ZNF735: variants seen among roughly 807,000 people sequenced by gnomAD.
The protein encoded by ZNF735 is putative zinc finger protein 735.
A neutral mutation model predicts 13.4 loss-of-function variants in ZNF735; 11 were observed. That is an observed-to-expected ratio of 0.82 (90% CI 0.52 to 1.36). The LOEUF is 1.36. Among genes scored for constraint, ZNF735 ranks in the 40% most tolerant of loss-of-function variants. ZNF735 has a pLI of 0.00. For missense variants in ZNF735, 500 were observed against 484.6 expected (o/e 1.03, Z -0.30); for synonymous variants, 171 against 162.6 (o/e 1.05, Z -0.39).
chr7:64,220,200 T>C (rs1787476191), exon 4 of ZNF735: 1 of 1,613,000 alleles, frequency 6.2e-7, no homozygotes, highest in East Asian at 2.2e-5. Flanking sequence ...CATACAAATG[T>C]GAAGAATGTG....
intron 3 of ZNF735, among the ~76,000 whole-genome samples, chr7:64,216,760 C>T (rs1241898562): frequency 6.6e-6 from 1 of 152,080 alleles, no homozygotes; most frequent in African/African-American, 2.4e-5. Context: ...CCTACCCCGA[C>T]CATACCCAGC....
intron 3 of ZNF735, among the ~76,000 whole-genome samples, chr7:64,215,118 A>G (rs1284967800): frequency 6.6e-6 from 1 of 150,802 alleles, no homozygotes; most frequent in African/African-American, 2.4e-5. Context: ...CTGGAGTGCA[A>G]TGGGGCAATT....
chr7:64,213,022 C>A, intron 1 of ZNF735, 70 bp from the exon 2 acceptor site: 2 of 1,480,236 alleles, frequency 1.4e-6, no homozygotes, highest in South Asian at 1.3e-5. Flanking sequence ...TAACTTGAGT[C>A]AAATAAAAAT....
At chr7:64,218,538 C>A (rs895706275) in intron 3 of ZNF735, among the ~76,000 whole-genome samples, 1 of 151,958 alleles carries the variant, frequency 6.6e-6, no homozygotes, top group Non-Finnish European at 1.5e-5. Flanking sequence ...TTGACATTCT[C>A]ATTTATCTGA....
At chr7:64,219,327 T>A in exon 4 of ZNF735, 2 of 1,612,562 alleles carry the variant, frequency 1.2e-6, no homozygotes, top group Non-Finnish European at 1.7e-6. Context: ...CATGTTCTCA[T>A]TTCAACCAAG....
intron 2 of ZNF735, among the ~76,000 whole-genome samples, chr7:64,213,794 A>G (rs1171828189): frequency 1.3e-5 from 2 of 151,958 alleles, no homozygotes; most frequent in Non-Finnish European, 2.9e-5. Context: ...CTCCGTCTCT[A>G]CTAAAAATAC....
intron 1 of ZNF735, among the ~76,000 whole-genome samples, chr7:64,211,227 T>C (rs1388248057): frequency 9.9e-5 from 15 of 152,216 alleles, no homozygotes; most frequent in Admixed American, 9.8e-4. Flanking sequence ...ATTTATAACC[T>C]GCAATATTTA....
chr7:64,220,248 T>A, exon 4 of ZNF735: 1 of 1,612,344 alleles, frequency 6.2e-7, no homozygotes. Flanking sequence ...TTGCTAAACA[T>A]AAGATAATTC....
chr7:64,219,372 C>A (rs774566660), exon 4 of ZNF735: 6 of 1,613,658 alleles, frequency 3.7e-6, no homozygotes, highest in Non-Finnish European at 5.1e-6. Flanking sequence ...AAGATTCACT[C>A]CAAAAAGTAA....
intron 1 of ZNF735, among the ~76,000 whole-genome samples, chr7:64,208,857 A>G (rs1283538841): frequency 6.6e-6 from 1 of 152,198 alleles, no homozygotes; most frequent in Non-Finnish European, 1.5e-5. Context: ...TTCTAAAAAT[A>G]AATCTCCAGC....
intron 1 of ZNF735, among the ~76,000 whole-genome samples, chr7:64,208,118 G>C (rs1787311189): frequency 6.6e-6 from 1 of 152,036 alleles, no homozygotes; most frequent in Non-Finnish European, 1.5e-5. Context: ...GTTTGGTACA[G>C]TTATTTAGTG....
chr7:64,207,271 G>A lies in ZNF735; in HGVS notation c.39+30G>A, dbSNP rs1239160178. 3.1e-6 allele frequency: 5 copies of A among 1,614,082 alleles called. No individual in the cohort carries two copies. In the African/African-American group the frequency reaches 4.0e-5, roughly 13 times the overall value. ...GTGCTGGGTCTGTCATCGTGAGAGA[G>A]GGGTGGGAGGTGGTTGGAACCGGCT... On this transcript the variant is annotated intron_variant, in intron 1 of 3. Transcript: ENST00000429565.
At chr7:64,208,346 C>T (rs1787317491) in intron 1 of ZNF735, among the ~76,000 whole-genome samples, 1 of 144,350 alleles carries the variant, frequency 6.9e-6, no homozygotes, top group Non-Finnish European at 1.5e-5. Context: ...CAACCTCTGC[C>T]TCCTGGTTCA....
intron 3 of ZNF735, among the ~76,000 whole-genome samples, chr7:64,217,484 T>C (rs887143945): frequency 1.3e-5 from 2 of 152,068 alleles, no homozygotes; most frequent in African/African-American, 2.4e-5. Flanking sequence ...TTTAATTGAT[T>C]TTTTATTTAA....
rs573887748 is a variant in ZNF735, at chr7:64,219,973, G to A, written c.922G>A (p.Val308Ile). 3.2e-4 allele frequency: 511 copies of A among 1,609,590 alleles called. 6 individuals carry two copies. In the South Asian group the frequency reaches 4.8e-3, roughly 15 times the overall value. The change falls in exon 4 of 4, where the codon GTA (valine) becomes ATA (isoleucine). Residue 308 changes from valine to isoleucine, a missense_variant. Val to Ile is a conservative substitution (Grantham distance 29). Transcript: ENST00000429565. ...TGAAGAATGTGGCAAAGCCTTTAGC[G>A]TATCCTCAGCCCTCATTTACCACAA...
At chr7:64,217,757 T>C (rs1787439136) in intron 3 of ZNF735, among the ~76,000 whole-genome samples, 1 of 152,084 alleles carries the variant, frequency 6.6e-6, no homozygotes, top group South Asian at 2.1e-4. Context: ...TTCTTTGTGC[T>C]ACATTGGAGA....
intron 3 of ZNF735, among the ~76,000 whole-genome samples, chr7:64,217,164 C>T (rs1449406662): frequency 6.6e-6 from 1 of 152,132 alleles, no homozygotes; most frequent in Non-Finnish European, 1.5e-5. Flanking sequence ...TCATAGAGTT[C>T]TCACACTATT....
chr7:64,217,808 T>C (rs1787440322), intron 3 of ZNF735, among the ~76,000 whole-genome samples: 1 of 152,026 alleles, frequency 6.6e-6, no homozygotes, highest in Non-Finnish European at 1.5e-5. Context: ...ATATTTTACA[T>C]TGGTAAAAAA....
intron 2 of ZNF735, 141 bp downstream of exon 2, chr7:64,213,359 A>C (rs1439323061): frequency 2.3e-6 from 2 of 861,622 alleles, no homozygotes; most frequent in East Asian, 5.6e-5. Context: ...GGTGTAGATT[A>C]AATTCTTCAA....
Sources: allele counts gnomAD v4.1 joint callset (sites outside exome capture counted in the v4.1 genomes callset), GRCh38; gene constraint gnomAD v4.1.1; transcripts MANE v1.5; gene names NCBI Gene and HGNC (gene_info 2026-07-23, HGNC 2026-07-21).